Variants in LRRTM4 observed in about 807,000 individuals in gnomAD.
LRRTM4 encodes the protein leucine-rich repeat transmembrane neuronal protein 4.
A neutral mutation model predicts 47.6 loss-of-function variants in LRRTM4; 25 were observed. The ratio of observed to expected loss-of-function variants is 0.53; its 90% CI spans 0.38 to 0.73. The LOEUF (loss-of-function observed/expected upper bound fraction) is 0.73, where lower values mean the gene tolerates loss of function less well. LRRTM4 is among the 30% of genes least tolerant of loss of function. LRRTM4 has a pLI of 0.00. For missense variants in LRRTM4, 638 were observed against 713.4 expected, an observed-to-expected ratio of 0.89 and a Z score of 1.20; for synonymous variants, 311 against 269.5, an observed-to-expected ratio of 1.15 and a Z score of -1.51.
chr2:77,364,393 G>T (rs1011673310), intron 3 of LRRTM4, among the ~76,000 whole-genome samples: 2 of 152,036 alleles, frequency 1.3e-5, no homozygotes, highest in Non-Finnish European at 2.9e-5. Flanking sequence ...AGGAAATTGT[G>T]GACTCAAGTC....
chr2:77,358,385 T>G (rs1032554936), intron 3 of LRRTM4, among the ~76,000 whole-genome samples: 13 of 152,220 alleles, frequency 8.5e-5, no homozygotes, highest in African/African-American at 1.7e-4. Context: ...CTTCCTTCCT[T>G]CCTGCCATCC....
At chr2:77,025,468 G>C (rs1428448848) in intron 3 of LRRTM4, among the ~76,000 whole-genome samples, 1 of 151,986 alleles carries the variant, frequency 6.6e-6, no homozygotes, top group African/African-American at 2.4e-5. Flanking sequence ...ACCTCTTCTG[G>C]TTTCCTGCAA....
chr2:76,846,641 A>G (rs1380034533), intron 3 of LRRTM4, among the ~76,000 whole-genome samples: 2 of 152,178 alleles, frequency 1.3e-5, no homozygotes, highest in African/African-American at 4.8e-5. Flanking sequence ...GGATAGTTGA[A>G]TATCTGGTTG....
At chr2:77,318,052 G>A (rs1461566142) in intron 3 of LRRTM4, among the ~76,000 whole-genome samples, 1 of 139,260 alleles carries the variant, frequency 7.2e-6, no homozygotes, top group Non-Finnish European at 1.5e-5. Flanking sequence ...TGTCGCCCAG[G>A]CTGGAGTGCA....
chr2:76,970,643 T>C (rs1349641931), intron 3 of LRRTM4, among the ~76,000 whole-genome samples: 1 of 152,000 alleles, frequency 6.6e-6, no homozygotes, highest in Non-Finnish European at 1.5e-5. Context: ...AAGGAAAATA[T>C]CCTGAAGCAA....
intron 3 of LRRTM4, among the ~76,000 whole-genome samples, chr2:76,966,900 G>C (rs1358539934): frequency 1.3e-5 from 2 of 151,342 alleles, no homozygotes; most frequent in African/African-American, 2.4e-5. Flanking sequence ...TTGTTCATCT[G>C]GGTCCTTAAA....
intron 3 of LRRTM4, among the ~76,000 whole-genome samples, chr2:77,332,295 C>G (rs1671001068): frequency 6.6e-6 from 1 of 152,070 alleles, no homozygotes; most frequent in Non-Finnish European, 1.5e-5. Context: ...TCACAAAAGG[C>G]AATTGGTTGG....
intron 3 of LRRTM4, among the ~76,000 whole-genome samples, chr2:77,459,292 A>G (rs1357141090): frequency 6.6e-6 from 1 of 152,052 alleles, no homozygotes; most frequent in Non-Finnish European, 1.5e-5. Context: ...CAGGGGTAGT[A>G]AAATTGAGCA....
chr2:77,224,761 G>A (rs1048429766), intron 3 of LRRTM4, among the ~76,000 whole-genome samples: 3 of 152,134 alleles, frequency 2.0e-5, no homozygotes, highest in Non-Finnish European at 4.4e-5. Context: ...TACACTGTTG[G>A]TGGGACTGTA....
chr2:77,159,776 T>A (rs1441581659), intron 3 of LRRTM4, among the ~76,000 whole-genome samples: 1 of 151,768 alleles, frequency 6.6e-6, no homozygotes, highest in African/African-American at 2.4e-5. Context: ...TACATCATGA[T>A]TTCTGTATGA....
chr2:76,930,368 C>T lies in LRRTM4; in HGVS notation c.1552-181452G>A, dbSNP rs192038859. On this transcript the variant is annotated intron_variant, in intron 3 of 3. Coordinates refer to ENST00000409884, the MANE Select transcript of LRRTM4 (RefSeq NM_001134745.3). ...CACACACACGCGATATGGTTAATAT[C>T]CATCAGCAGTTCTGTAATTAGTAAA... Among the ~76,000 whole-genome samples, 6 of 152,256 alleles carry T rather than the reference C, an allele frequency of 3.9e-5. No individual in the cohort carries two copies. In the East Asian group the frequency reaches 9.7e-4, roughly 25 times the overall value.
intron 3 of LRRTM4, among the ~76,000 whole-genome samples, chr2:76,884,015 T>G (rs1468423554): frequency 6.6e-6 from 1 of 151,454 alleles, no homozygotes; most frequent in Non-Finnish European, 1.5e-5. Flanking sequence ...AACTGGGGTC[T>G]CGCTATGTTG....
intron 3 of LRRTM4, among the ~76,000 whole-genome samples, chr2:77,118,542 A>G (rs1313099743): frequency 2.0e-5 from 3 of 151,960 alleles, no homozygotes; most frequent in Non-Finnish European, 4.4e-5. Context: ...CTGAGGTATC[A>G]TTATACAAAG....
intron 3 of LRRTM4, among the ~76,000 whole-genome samples, chr2:77,437,938 CCTAT>C (rs1357046228): frequency 1.3e-5 from 2 of 152,172 alleles, no homozygotes; most frequent in Admixed American, 6.5e-5. Flanking sequence ...CCTTTCTATA[CCTAT>C]CTATCACAAG....
intron 3 of LRRTM4, among the ~76,000 whole-genome samples, chr2:77,427,124 G>T (rs1398894101): frequency 6.6e-6 from 1 of 151,874 alleles, no homozygotes; most frequent in Non-Finnish European, 1.5e-5. Flanking sequence ...GACTACAGGT[G>T]CGCACCACCA....
At position 77,519,974 on chromosome 2, in the gene LRRTM4, A is replaced by T; in HGVS notation, c.5-110T>A. ...CTCTAGTGTAGGAATGGGACAGTTGATTTAAGGAAAATGCATTAACATTTC... is the reference window on the plus strand; with the variant it reads ...CTCTAGTGTAGGAATGGGACAGTTGTTTTAAGGAAAATGCATTAACATTTC... On this transcript the variant is annotated intron_variant, in intron 2 of 3. Transcript: ENST00000409884. This position sits in a 1 kb window ranked among gnomAD's most constrained non-coding sequence, Gnocchi z 4.6. 7.0e-7 allele frequency: 1 copy of T among 1,425,988 alleles called. No individual in the cohort carries two copies. Among genetic ancestry groups the T allele is most frequent in the South Asian group, 1.5e-5 (1 of 65,250 alleles). The allele number at this position is 1,425,988 out of a possible 1,614,324, so 88.3% of individuals were successfully genotyped here. A position where few individuals can be genotyped will look rare whatever the true frequency, so the allele number is the denominator to read the frequency against.
intron 3 of LRRTM4, among the ~76,000 whole-genome samples, chr2:76,765,001 G>C (rs1673401171): frequency 6.6e-6 from 1 of 152,154 alleles, no homozygotes; most frequent in Non-Finnish European, 1.5e-5. Context: ...CATGGATGTG[G>C]AGTCACCACC....
intron 3 of LRRTM4, among the ~76,000 whole-genome samples, chr2:76,965,601 T>TACAG (rs953794797): frequency 6.6e-6 from 1 of 151,272 alleles, no homozygotes; most frequent in African/African-American, 2.4e-5. Flanking sequence ...TATTATTGTT[T>TACAG]ACAGGTTAAA....
intron 3 of LRRTM4, among the ~76,000 whole-genome samples, chr2:77,403,047 A>G (rs768648622): frequency 5.3e-5 from 8 of 151,974 alleles, no homozygotes; most frequent in Non-Finnish European, 1.2e-4. Flanking sequence ...TCTCTGTTAA[A>G]CTATTCTCAA....
Sources: gnomAD v4.1 joint callset for allele counts (sites outside exome capture counted in the v4.1 genomes callset) on GRCh38, gnomAD v4.1.1 for gene constraint, Gnocchi (gnomAD v3.1) non-coding constraint, MANE v1.5 for transcripts, NCBI Gene and HGNC (gene_info 2026-07-23, HGNC 2026-07-21) for gene names.